ARHGEF4: variants seen among roughly 807,000 people sequenced by gnomAD.
ARHGEF4 encodes the protein APC-stimulated guanine nucleotide exchange factor 1.
ARHGEF4 carries 119 observed loss-of-function variants against 162.0 expected under a neutral mutation model. The ratio of observed to expected loss-of-function variants is 0.73; its 90% CI spans 0.63 to 0.86. The LOEUF (loss-of-function observed/expected upper bound fraction) is 0.86. ARHGEF4 is among the 40% of genes least tolerant of loss of function. The probability of loss-of-function intolerance (pLI) is 0.00; values close to 1 mark genes in which losing one functional copy is unlikely to be tolerated. For synonymous variants in ARHGEF4, 1,014 were observed against 979.9 expected, an observed-to-expected ratio of 1.03 and a Z score of -0.65; for missense variants, 2,488 against 2,456.0, an observed-to-expected ratio of 1.01 and a Z score of -0.28.
intron 1 of ARHGEF4, among the ~76,000 whole-genome samples, chr2:130,882,191 C>T (rs1679237483): frequency 6.6e-6 from 1 of 152,142 alleles, no homozygotes; most frequent in African/African-American, 2.4e-5. Flanking sequence ...AGGGTCTCAA[C>T]AGGTCCTGGA....
rs1466426267 is a variant in ARHGEF4, at chr2:131,040,288, G to T, written c.4510G>T (p.Ala1504Ser). The T allele has an allele frequency of 6.2e-7, 1 of 1,613,004 alleles. No homozygotes were observed. Among genetic ancestry groups the T allele is most frequent in the East Asian group, 2.2e-5 (1 of 44,848 alleles). The change falls in exon 8 of 14, where the codon GCA becomes TCA. Residue 1504 changes from alanine to serine, a missense_variant. Around this residue, in one of 6 missense-constraint regions of ARHGEF4, gnomAD observed 415 missense variants for 512.4 expected, o/e 0.81. Coordinates refer to ENST00000409359, the MANE Select transcript of ARHGEF4 (RefSeq NM_001367493.1). ...CTACGTCCGGCAGTGCCGCAAGCGC[G>T]CAGACATGTTCAGCGAGGAGCAGCT... The part of the protein sequence containing the change: ...EGYVRQCRKR[A>S]DMFSEEQLRT...
In ARHGEF4 at chr2:131,040,582, C is replaced by A. The variant is rs1004886622; in HGVS notation, c.4662+142C>A. The A allele has an allele frequency of 3.0e-6, 3 of 984,778 alleles. No homozygotes were observed. The African/African-American group carries it at 4.9e-5, about 16-fold the overall frequency. 61.0% of individuals were successfully genotyped at this position (984,778 alleles called of 1,614,324 possible). A position where few individuals can be genotyped will look rare whatever the true frequency, so the allele number is the denominator to read the frequency against. On this transcript the variant is annotated intron_variant, in intron 8 of 13. Coordinates refer to ENST00000409359, the MANE Select transcript of ARHGEF4 (RefSeq NM_001367493.1). ...CTCCAGCCCTCTATCTGCCCCGCTGCCCGCACCCTTCAGGACAGTTTTAGG... is the reference window on the plus strand; with the variant it reads ...CTCCAGCCCTCTATCTGCCCCGCTGACCGCACCCTTCAGGACAGTTTTAGG...
intron 1 of ARHGEF4, among the ~76,000 whole-genome samples, chr2:130,853,688 T>C (rs1681570180): frequency 6.6e-6 from 1 of 152,156 alleles, no homozygotes; most frequent in Admixed American, 6.5e-5. Flanking sequence ...GGGCCTATGG[T>C]GCGGTCTGCC....
At chr2:131,026,753 C>A (rs58059040) in intron 4 of ARHGEF4, among the ~76,000 whole-genome samples, 8,699 of 152,112 alleles carry the variant, frequency 0.057, 858 homozygotes, top group African/African-American at 0.2. Flanking sequence ...CAAGAGCTGG[C>A]TGGGATGTGG....
chr2:131,019,327 G>T (rs780744905), intron 4 of ARHGEF4, among the ~76,000 whole-genome samples: 1 of 152,008 alleles, frequency 6.6e-6, no homozygotes, highest in Admixed American at 6.5e-5. Context: ...CATGAGAATC[G>T]CTTGAACCCG....
intron 3 of ARHGEF4, among the ~76,000 whole-genome samples, chr2:130,932,567 T>G (rs1322539724): frequency 6.6e-6 from 1 of 152,206 alleles, no homozygotes. Context: ...TTTGCAAATA[T>G]TTTCTCCCAT....
At chr2:130,994,590 A>G (rs185976691) in intron 4 of ARHGEF4, among the ~76,000 whole-genome samples, 4 of 152,196 alleles carry the variant, frequency 2.6e-5, no homozygotes, top group Admixed American at 2.0e-4. Context: ...TGTAAAGTTC[A>G]TGTTCATTTA....
At chr2:130,865,609 G>C (rs1441107195) in intron 1 of ARHGEF4, among the ~76,000 whole-genome samples, 2 of 152,192 alleles carry the variant, frequency 1.3e-5, no homozygotes, top group African/African-American at 4.8e-5. Context: ...AGGACCCCCT[G>C]CGGTGCTGTC....
chr2:130,882,207 A>G (rs1679238671), intron 1 of ARHGEF4, among the ~76,000 whole-genome samples: 2 of 152,082 alleles, frequency 1.3e-5, no homozygotes, highest in Non-Finnish European at 2.9e-5. Flanking sequence ...CTGGACAGAG[A>G]GGAAATCATT....
At chr2:131,039,811 G>C (rs973393645) in intron 6 of ARHGEF4, 15 of 1,409,034 alleles carry the variant, frequency 1.1e-5, no homozygotes. Context: ...TCACACTGAC[G>C]GCGGCTGCGG....
chr2:131,007,306 G>A (rs1688177172), intron 4 of ARHGEF4, among the ~76,000 whole-genome samples: 1 of 152,114 alleles, frequency 6.6e-6, no homozygotes. Flanking sequence ...CCCAAATGCT[G>A]AATTTATGTC....
chr2:130,894,997 T>C (rs1314739375), intron 1 of ARHGEF4, among the ~76,000 whole-genome samples: 1 of 152,184 alleles, frequency 6.6e-6, no homozygotes, highest in East Asian at 1.9e-4. Context: ...GTTTGATGAG[T>C]TTGACACATG....
intron 4 of ARHGEF4, among the ~76,000 whole-genome samples, chr2:130,993,155 C>T (rs941237864): frequency 1.3e-5 from 2 of 152,178 alleles, no homozygotes; most frequent in African/African-American, 2.4e-5. Context: ...ATATATTTTC[C>T]TCCAAGCAGT....
Position 130,916,669 on chromosome 2 carries a change from G to C in ARHGEF4, c.2723G>C (p.Arg908Thr). 6.4e-7 allele frequency: 1 copy of C among 1,550,658 alleles called. No homozygotes were observed. The highest frequency in any genetic ancestry group is 2.4e-5 in the East Asian group (1 of 40,906). Reference sequence around the variant, plus strand: ...ACAACGGAGAAAAAACTCAGGGCAAGGTTGGCCTTGGCTCATAAGACCTTT... The same window carrying C: ...ACAACGGAGAAAAAACTCAGGGCAACGTTGGCCTTGGCTCATAAGACCTTT... ...LKTTEKKLRA[R>T]LALAHKTFSN... Residue 908 changes from arginine to threonine, a missense_variant, in exon 2 of 14, where the codon AGG becomes ACG. Physicochemically the swap from Arg to Thr is moderately conservative, Grantham distance 71. Around this residue, in one of 6 missense-constraint regions of ARHGEF4, gnomAD observed 1,642 missense variants for 1,481.5 expected, o/e 1.11. Transcript: ENST00000409359.
At chr2:130,855,117 C>T (rs1332533029) in intron 1 of ARHGEF4, among the ~76,000 whole-genome samples, 3 of 151,834 alleles carry the variant, frequency 2.0e-5, no homozygotes, top group Non-Finnish European at 4.4e-5. Context: ...CCTTGTGATC[C>T]GCCTGCCTCG....
At chr2:130,965,673 ACCT>A (rs1684956073) in intron 4 of ARHGEF4, among the ~76,000 whole-genome samples, 1 of 151,916 alleles carries the variant, frequency 6.6e-6, no homozygotes, top group Admixed American at 6.6e-5. Context: ...TCCTGGGGAC[ACCT>A]CCTCCTTTCT....
chr2:130,964,473 TG>T (rs1477487856), intron 4 of ARHGEF4, among the ~76,000 whole-genome samples: 1 of 152,264 alleles, frequency 6.6e-6, no homozygotes, highest in East Asian at 1.9e-4. Flanking sequence ...CGTCTACCGG[TG>T]GGCCACCTGT....
At chr2:130,896,720 T>C (rs1262582222) in intron 1 of ARHGEF4, among the ~76,000 whole-genome samples, 3 of 152,168 alleles carry the variant, frequency 2.0e-5, no homozygotes, top group Admixed American at 1.3e-4. Flanking sequence ...CTGTCACTTA[T>C]ATTTGGCAAA....
At chr2:130,979,880 A>G in intron 4 of ARHGEF4, among the ~76,000 whole-genome samples, 1 of 152,270 alleles carries the variant, frequency 6.6e-6, no homozygotes, top group South Asian at 2.1e-4. Flanking sequence ...TTATAATATA[A>G]AATGTTTACG....
Sources: gnomAD v4.1 joint callset for allele counts (sites outside exome capture counted in the v4.1 genomes callset) on GRCh38, gnomAD v4.1.1 for gene constraint, gnomAD v4.1.1 regional missense constraint, MANE v1.5 for transcripts, NCBI Gene and HGNC (gene_info 2026-07-23, HGNC 2026-07-21) for gene names.